Variants in ST6GALNAC3 observed in about 807,000 individuals in gnomAD.
The protein encoded by ST6GALNAC3 is alpha-N-acetylgalactosaminide alpha-2,6-sialyltransferase 3.
ST6GALNAC3 carries 25 observed loss-of-function variants against 32.7 expected under a neutral mutation model. The ratio of observed to expected loss-of-function variants is 0.76; its 90% confidence interval spans 0.56 to 1.07. The LOEUF is 1.07. Among genes scored for constraint, ST6GALNAC3 ranks in the 50% least tolerant of loss-of-function variants. The pLI is 0.00. For missense variants in ST6GALNAC3, 355 were observed against 382.4 expected, an observed-to-expected ratio of 0.93 and a Z score of 0.60; for synonymous variants, 129 against 133.1, an observed-to-expected ratio of 0.97 and a Z score of 0.21.
chr1:76,502,687 C>G (rs1661243087), intron 3 of ST6GALNAC3, among the ~76,000 whole-genome samples: 2 of 152,310 alleles, frequency 1.3e-5, no homozygotes, highest in South Asian at 2.1e-4. Flanking sequence ...CCTATCTCCA[C>G]TTTCTGAAGT....
intron 1 of ST6GALNAC3, among the ~76,000 whole-genome samples, chr1:76,274,705 G>A (rs982759040): frequency 1.9e-4 from 29 of 152,180 alleles, no homozygotes; most frequent in African/African-American, 6.5e-4. Context: ...GAAAGAAACA[G>A]TAAATGCAAA....
intron 3 of ST6GALNAC3, among the ~76,000 whole-genome samples, chr1:76,616,960 G>A (rs780589504): frequency 3.3e-5 from 5 of 152,090 alleles, no homozygotes; most frequent in Non-Finnish European, 7.4e-5. Context: ...ACTTTTATGT[G>A]TGGCTCATTG....
intron 1 of ST6GALNAC3, among the ~76,000 whole-genome samples, chr1:76,075,164 G>A (rs1011445826): frequency 5.3e-5 from 8 of 152,214 alleles, no homozygotes; most frequent in African/African-American, 1.9e-4. Context: ...GCCGAATAAT[G>A]GGGATGGTAG....
chr1:76,357,027 G>T (rs1649514366), intron 2 of ST6GALNAC3, among the ~76,000 whole-genome samples: 1 of 151,436 alleles, frequency 6.6e-6, no homozygotes. Context: ...ATAATATTTA[G>T]TGAATTCTTA....
intron 1 of ST6GALNAC3, among the ~76,000 whole-genome samples, chr1:76,094,278 T>C (rs775012200): frequency 2.6e-5 from 4 of 152,160 alleles, no homozygotes; most frequent in Non-Finnish European, 5.9e-5. Flanking sequence ...CTGCAGTATT[T>C]GGCCCTGGGG....
intron 3 of ST6GALNAC3, among the ~76,000 whole-genome samples, chr1:76,438,064 AG>A (rs773531026): frequency 5.3e-5 from 8 of 150,338 alleles, no homozygotes; most frequent in Non-Finnish European, 8.8e-5. Flanking sequence ...GGTATAGAGA[AG>A]GGTTCATTTA....
At chr1:76,603,127 C>T (rs917146681) in intron 3 of ST6GALNAC3, among the ~76,000 whole-genome samples, 8 of 152,100 alleles carry the variant, frequency 5.3e-5, no homozygotes, top group South Asian at 2.1e-4. Context: ...TATATGCTGT[C>T]GATAGGAGTA....
intron 3 of ST6GALNAC3, among the ~76,000 whole-genome samples, chr1:76,538,489 T>C (rs1663772224): frequency 6.6e-6 from 1 of 152,140 alleles, no homozygotes; most frequent in Non-Finnish European, 1.5e-5. Flanking sequence ...TCACCACTCC[T>C]ATTCAACATA....
At chr1:76,542,010 T>A (rs1664021788) in intron 3 of ST6GALNAC3, among the ~76,000 whole-genome samples, 1 of 152,222 alleles carries the variant, frequency 6.6e-6, no homozygotes, top group African/African-American at 2.4e-5. Flanking sequence ...TACTGCTGTT[T>A]GCTGTTTACT....
intron 1 of ST6GALNAC3, among the ~76,000 whole-genome samples, chr1:76,292,855 A>T (rs1221897230): frequency 6.6e-6 from 1 of 152,058 alleles, no homozygotes; most frequent in Non-Finnish European, 1.5e-5. Context: ...ATAAAACCAA[A>T]ATTATTGTTT....
intron 1 of ST6GALNAC3, among the ~76,000 whole-genome samples, chr1:76,150,900 C>T (rs909370364): frequency 9.9e-5 from 15 of 152,096 alleles, no homozygotes; most frequent in Admixed American, 7.2e-4. Context: ...AGGGATTGTC[C>T]GGGTCTTGAT....
At chr1:76,355,990 G>C (rs1057234998) in intron 2 of ST6GALNAC3, among the ~76,000 whole-genome samples, 11 of 152,096 alleles carry the variant, frequency 7.2e-5, no homozygotes, top group African/African-American at 2.7e-4. Flanking sequence ...ATGGAGCAAA[G>C]TGATATTTTA....
intron 3 of ST6GALNAC3, among the ~76,000 whole-genome samples, chr1:76,420,230 T>C (rs1346563262): frequency 6.6e-6 from 1 of 152,134 alleles, no homozygotes; most frequent in Non-Finnish European, 1.5e-5. Context: ...CATCTGCAGA[T>C]GGCACTTTGA....
intron 1 of ST6GALNAC3, among the ~76,000 whole-genome samples, chr1:76,215,630 G>A (rs1244930218): frequency 2.0e-5 from 3 of 152,188 alleles, no homozygotes; most frequent in Non-Finnish European, 4.4e-5. Flanking sequence ...ATGTAGTTCC[G>A]AATGCCCCAC....
chr1:76,550,384 C>T (rs999279738), intron 3 of ST6GALNAC3, among the ~76,000 whole-genome samples: 2 of 152,128 alleles, frequency 1.3e-5, no homozygotes, highest in African/African-American at 2.4e-5. Context: ...GCATAGGTAA[C>T]TAGTCATCTC....
chr1:76,436,591 A>G (rs1298727422), intron 3 of ST6GALNAC3, among the ~76,000 whole-genome samples: 1 of 152,184 alleles, frequency 6.6e-6, no homozygotes, highest in Non-Finnish European at 1.5e-5. Flanking sequence ...TTAACCAAAA[A>G]CATAAATGTT....
chr1:76,480,549 G>T (rs528955561), intron 3 of ST6GALNAC3, among the ~76,000 whole-genome samples: 1 of 152,238 alleles, frequency 6.6e-6, no homozygotes, highest in African/African-American at 2.4e-5. Context: ...TCAGTCTCCT[G>T]TAGGGGTACA....
chr1:76,596,324 T>G (rs1647136597), intron 3 of ST6GALNAC3, among the ~76,000 whole-genome samples: 1 of 152,174 alleles, frequency 6.6e-6, no homozygotes, highest in Non-Finnish European at 1.5e-5. Context: ...AGTTAGACAG[T>G]TGGTTTCCGA....
intron 3 of ST6GALNAC3, among the ~76,000 whole-genome samples, chr1:76,608,081 C>A (rs1305498944): frequency 6.6e-6 from 1 of 152,140 alleles, no homozygotes; most frequent in Non-Finnish European, 1.5e-5. Flanking sequence ...GCTTTAGTGT[C>A]CTGCCTCATA....
Sources: gnomAD v4.1 joint callset for allele counts (sites outside exome capture counted in the v4.1 genomes callset) on GRCh38, gnomAD v4.1.1 for gene constraint, MANE v1.5 for transcripts, NCBI Gene and HGNC (gene_info 2026-07-23, HGNC 2026-07-21) for gene names.